PCDHGB2: variants seen among roughly 807,000 people sequenced by gnomAD.
PCDHGB2 encodes the protein protocadherin gamma-B2.
A neutral mutation model predicts 59.3 loss-of-function variants in PCDHGB2; 55 were observed. The observed-to-expected ratio is 0.93, with a 90% CI of 0.75 to 1.16. PCDHGB2 has a LOEUF of 1.16. Ranked by LOEUF, PCDHGB2 falls within the 50% of genes most tolerant of loss-of-function variation. The pLI is 0.00. For synonymous variants in PCDHGB2, 516 were observed against 512.0 expected (o/e 1.01, Z -0.11); for missense variants, 1,228 against 1,198.5 (o/e 1.02, Z -0.36).
In PCDHGB2 at chr5:141,487,192, C is replaced by T. The variant is rs2099641028; in HGVS notation, c.2422-7615C>T. ...TAGAGGAAGACACTCATCCAGTTGT[C>T]CCAGATCTTCGAGAATCTTCAGCTC... On this transcript the variant is annotated intron_variant, in intron 1 of 3. Transcript: ENST00000522605. This position sits in a 1 kb window ranked among gnomAD's most constrained non-coding sequence, Gnocchi z 5.0. 15 of 1,613,748 alleles carry T rather than the reference C, an allele frequency of 9.3e-6. No individual in the cohort carries two copies. Among genetic ancestry groups the T allele is most frequent in the African/African-American group, 1.3e-5 (1 of 75,040 alleles).
At chr5:141,453,552 A>G (rs1005017830) in intron 1 of PCDHGB2, among the ~76,000 whole-genome samples, 2 of 152,188 alleles carry the variant, frequency 1.3e-5, no homozygotes, top group Non-Finnish European at 2.9e-5. Flanking sequence ...CACACTCTGT[A>G]GATAATCGAT....
intron 1 of PCDHGB2, chr5:141,379,054 G>A (rs969073480): frequency 6.6e-5 from 10 of 152,204 alleles, no homozygotes; most frequent in Admixed American, 5.2e-4. Context: ...TTATAGAATG[G>A]ATTGGCCACT....
At chr5:141,388,486 A>G in intron 1 of PCDHGB2, 1 of 1,613,858 alleles carries the variant, frequency 6.2e-7, no homozygotes, top group Non-Finnish European at 8.5e-7. Context: ...ACACCTTTGG[A>G]CAGAGAAAAG....
chr5:141,465,950 A>G (rs570810183), intron 1 of PCDHGB2, among the ~76,000 whole-genome samples: 2 of 152,102 alleles, frequency 1.3e-5, no homozygotes, highest in African/African-American at 4.8e-5. Flanking sequence ...GTGAAACCCC[A>G]TCTCTACTAA....
intron 1 of PCDHGB2, among the ~76,000 whole-genome samples, chr5:141,448,768 G>T (rs544426582): frequency 2.6e-5 from 4 of 151,750 alleles, no homozygotes; most frequent in Non-Finnish European, 4.4e-5. Context: ...GTGAAACCCC[G>T]TCTGTACTAA....
intron 1 of PCDHGB2, chr5:141,382,939 T>G: frequency 6.3e-7 from 1 of 1,594,910 alleles, no homozygotes; most frequent in Non-Finnish European, 8.6e-7. Context: ...CAGAGGATTC[T>G]TCCTGCTCTC....
intron 1 of PCDHGB2, chr5:141,408,732 AT>A (rs1172232848): frequency 6.2e-7 from 1 of 1,610,014 alleles, no homozygotes; most frequent in Non-Finnish European, 8.5e-7. Context: ...TCTAATCCTT[AT>A]TTTTCATTAA....
In PCDHGB2 at chr5:141,419,975, G is replaced by A. The variant is rs372316838; in HGVS notation, c.2421+57419G>A. ...CTTGATTTCTGTGCTCTTTCTCCTC[G>A]CGGTGATTCTAGCTATTGCTCTACG... On this transcript the variant is annotated intron_variant, in intron 1 of 3. Coordinates refer to ENST00000522605, the MANE Select transcript of PCDHGB2 (RefSeq NM_018923.3). 273 of 1,613,928 alleles carry A rather than the reference G, an allele frequency of 1.7e-4. No homozygotes were observed. The highest frequency in any genetic ancestry group is 2.2e-4 in the Non-Finnish European group (261 of 1,179,916).
chr5:141,500,433 T>A (rs1398344932), intron 2 of PCDHGB2, among the ~76,000 whole-genome samples: 17 of 151,882 alleles, frequency 1.1e-4, no homozygotes, highest in East Asian at 7.8e-4. Flanking sequence ...ATGGTCTCGA[T>A]CTCCTGACCT....
At chr5:141,419,116 C>A in intron 1 of PCDHGB2, 2 of 1,613,888 alleles carry the variant, frequency 1.2e-6, no homozygotes. Context: ...CAGAGTACAA[C>A]GTCACCATCG....
Position 141,415,089 on chromosome 5 carries a change from C to T in PCDHGB2, c.2421+52533C>T, listed in dbSNP as rs1159857230. 1.9e-6 allele frequency: 3 copies of T among 1,613,556 alleles called. No individual in the cohort carries two copies. In the South Asian group the frequency reaches 3.3e-5, roughly 18 times the overall value. The stretch of plus-strand genomic sequence containing the variant: ...TGCGCACGGCGCGAGCCCTGCTGGA[C>T]AGAGACGCGCTCAAGCAAAGCCTCG... On this transcript the variant is annotated intron_variant, in intron 1 of 3. Coordinates refer to ENST00000522605, the MANE Select transcript of PCDHGB2 (RefSeq NM_018923.3).
Position 141,477,044 on chromosome 5 carries a change from C to T in PCDHGB2, c.2422-17763C>T, listed in dbSNP as rs750525889. ...CGGGATGCTGACAATCAAGGGTCGG[C>T]TGGACTTCGAGGACACCAAACTCCA... On this transcript the variant is annotated intron_variant, in intron 1 of 3. Coordinates refer to ENST00000522605, the MANE Select transcript of PCDHGB2 (RefSeq NM_018923.3). The surrounding 1 kb of genome is among the most constrained non-coding windows in gnomAD (Gnocchi z 4.9). 6.2e-7 allele frequency: 1 copy of T among 1,614,246 alleles called. No individual in the cohort carries two copies. Among genetic ancestry groups the T allele is most frequent in the Non-Finnish European group, 8.5e-7 (1 of 1,180,034 alleles).
intron 1 of PCDHGB2, among the ~76,000 whole-genome samples, chr5:141,445,490 C>T (rs1181158971): frequency 6.6e-6 from 1 of 152,134 alleles, no homozygotes; most frequent in Non-Finnish European, 1.5e-5. Flanking sequence ...AGTTAATGGG[C>T]CCTATTCTAA....
At chr5:141,503,660 C>A (rs2099827842) in intron 2 of PCDHGB2, among the ~76,000 whole-genome samples, 1 of 150,420 alleles carries the variant, frequency 6.6e-6, no homozygotes, top group Non-Finnish European at 1.5e-5. Flanking sequence ...AACAGAATTA[C>A]AACTCTTCCC....
At chr5:141,430,877 G>A (rs1392342627) in intron 1 of PCDHGB2, 5 of 1,600,678 alleles carry the variant, frequency 3.1e-6, no homozygotes, top group African/African-American at 2.7e-5. Context: ...GGAAGAGCTG[G>A]AGAAAGGCTC....
At chr5:141,415,450 C>A (rs774745130) in intron 1 of PCDHGB2, 44 of 1,614,086 alleles carry the variant, frequency 2.7e-5, no homozygotes, top group Non-Finnish European at 3.4e-5. Context: ...GACCTATTCC[C>A]ACGAGGTCTC....
In PCDHGB2 at chr5:141,388,772, C is replaced by G. The variant is rs747075769; in HGVS notation, c.2421+26216C>G. 6.8e-6 allele frequency: 11 copies of G among 1,613,680 alleles called. No individual in the cohort carries two copies. In the Admixed American group the frequency reaches 1.8e-4, roughly 27 times the overall value. On this transcript the variant is annotated intron_variant, in intron 1 of 3. Transcript: ENST00000522605. Reference sequence around the variant, plus strand: ...CCCAATTTGACCTGAACTCTAACACCGGGGAAATTACTGTTTTAAATACAT... The same window carrying G: ...CCCAATTTGACCTGAACTCTAACACGGGGGAAATTACTGTTTTAAATACAT...
At chr5:141,365,872 G>A (rs1172437111) in intron 1 of PCDHGB2, 1 of 1,614,088 alleles carries the variant, frequency 6.2e-7, no homozygotes, top group African/African-American at 1.3e-5. Flanking sequence ...CCGGTGTCCT[G>A]TATGCTCTGA....
At chr5:141,399,679 T>C (rs757165628) in intron 1 of PCDHGB2, 4 of 1,613,560 alleles carry the variant, frequency 2.5e-6, no homozygotes, top group South Asian at 2.2e-5. Flanking sequence ...CGCCTTTGAC[T>C]ACGAGCAGCT....
Sources: gnomAD v4.1 joint callset for allele counts (sites outside exome capture counted in the v4.1 genomes callset) on GRCh38, gnomAD v4.1.1 for gene constraint, Gnocchi (gnomAD v3.1) non-coding constraint, MANE v1.5 for transcripts, NCBI Gene and HGNC (gene_info 2026-07-23, HGNC 2026-07-21) for gene names.